ADA: variants seen among roughly 807,000 people sequenced by gnomAD.
ADA encodes adenosine deaminase.
In ADA, 45 loss-of-function variants were observed where a neutral mutation model predicts 49.0. The ratio of observed to expected loss-of-function variants is 0.92; its 90% CI spans 0.72 to 1.18. The LOEUF is 1.18. Ranked by LOEUF, ADA falls within the 50% of genes most tolerant of loss-of-function variation. The probability of loss-of-function intolerance (pLI) is 0.00; values close to 1 mark genes in which losing one functional copy is unlikely to be tolerated. For synonymous variants in ADA, 173 were observed against 184.2 expected (o/e 0.94, Z 0.49); for missense variants, 445 against 472.5 (o/e 0.94, Z 0.54).
chr20:44,620,258 C>A, intron 11 of ADA, 41 bp downstream of exon 11: 2 of 1,555,280 alleles, frequency 1.3e-6, no homozygotes, highest in Non-Finnish European at 1.8e-6. Context: ...ACACTGGGGC[C>A]AGGACAGGGC....
chr20:44,646,737 GC>G (rs1226563885), intron 1 of ADA, among the ~76,000 whole-genome samples: 1 of 152,008 alleles, frequency 6.6e-6, no homozygotes, highest in Non-Finnish European at 1.5e-5. Context: ...TACATCTGAA[GC>G]CCAGGGCTAA....
chr20:44,619,547 T>G lies in ADA; in HGVS notation c.*287A>C. Reference sequence around the variant, plus strand: ...TGCATGCCACCAGCCATGGGCTTCTTTATTGAGCACCAGATTTTCAGTACA... The same window carrying G: ...TGCATGCCACCAGCCATGGGCTTCTGTATTGAGCACCAGATTTTCAGTACA... On this transcript the variant is annotated 3_prime_UTR_variant, in exon 12 of 12. Transcript: ENST00000372874. The G allele has an allele frequency of 6.9e-6, 3 of 433,712 alleles. No homozygotes were observed. Among genetic ancestry groups the G allele is most frequent in the Non-Finnish European group, 1.3e-5 (3 of 233,036 alleles). 26.9% of individuals were successfully genotyped at this position (433,712 alleles called of 1,614,324 possible). A position where few individuals can be genotyped will look rare whatever the true frequency, so the allele number is the denominator to read the frequency against.
At chr20:44,620,652 AG>A in intron 10 of ADA, 1 of 587,342 alleles carries the variant, frequency 1.7e-6, no homozygotes. Flanking sequence ...GGTGGCATGT[AG>A]GGGGCCAGAG....
intron 1 of ADA, among the ~76,000 whole-genome samples, chr20:44,645,311 T>C (rs1366319578): frequency 7.2e-6 from 1 of 139,316 alleles, no homozygotes; most frequent in Non-Finnish European, 1.5e-5. Flanking sequence ...TGAGCCAAAA[T>C]CGTGCCACTG....
chr20:44,627,676 T>C (rs2065395615), intron 3 of ADA, among the ~76,000 whole-genome samples: 1 of 152,212 alleles, frequency 6.6e-6, no homozygotes, highest in South Asian at 2.1e-4. Context: ...CTGAGGACCA[T>C]GCCTAGGACA....
rs758073965 is a variant in ADA, at chr20:44,625,679, TC to T, written c.367del (p.Asp123ThrfsTer10). On this transcript the variant is annotated frameshift_variant, in exon 5 of 12. Coordinates refer to ENST00000372874, the MANE Select transcript of ADA (RefSeq NM_000022.4). LOFTEE classifies it high-confidence loss of function. ...EPIPWNQAEG[D>X]LTPDEVVALV... ...GGCCACCACCTCGTCTGGGGTGAGGTCCCCTCTGTGTGAGGAGAGGAGTAGG... is the reference window on the plus strand; with the variant it reads ...GGCCACCACCTCGTCTGGGGTGAGGTCCCTCTGTGTGAGGAGAGGAGTAGG... 6.4e-7 allele frequency: 1 copy of T among 1,559,934 alleles called. No individual in the cohort carries two copies. The highest frequency in any genetic ancestry group is 1.9e-5 in the Admixed American group (1 of 52,226).
At chr20:44,629,990 TCA>T (rs987554582) in intron 2 of ADA, among the ~76,000 whole-genome samples, 1 of 148,506 alleles carries the variant, frequency 6.7e-6, no homozygotes, top group African/African-American at 2.5e-5. Flanking sequence ...ACCTCGAGCC[TCA>T]GTTTCCCCCC....
In ADA at chr20:44,621,140, T is replaced by A. The variant is rs781702460; in HGVS notation, c.853A>T (p.Asn285Tyr). The A allele has an allele frequency of 6.2e-7, 1 of 1,614,158 alleles. No homozygotes were observed. Among genetic ancestry groups the A allele is most frequent in the South Asian group, 1.1e-5 (1 of 91,076 alleles). The change falls in exon 10 of 12, where the codon AAT (asparagine) becomes TAT (tyrosine). Residue 285 changes from asparagine to tyrosine, a missense_variant. Asn to Tyr is a moderately radical substitution (Grantham distance 143, BLOSUM62 -2). Transcript: ENST00000372874. ...TTGAGCGAGTAGTTAGCCTGGTCAT[T>A]TTTGAGCCTGCAGAAGAGGGAGGAG... ...DTEHAVIRLK[N>Y]DQANYSLNTD... is the part of the protein sequence containing the mutation.
intron 9 of ADA, among the ~76,000 whole-genome samples, chr20:44,621,420 CGGTGGGGG>C (rs909067731): frequency 6.6e-6 from 1 of 151,874 alleles, no homozygotes; most frequent in African/African-American, 2.4e-5. Flanking sequence ...GAATGGCAGC[CGGTGGGGG>C]CGTGGGGGTG....
intron 3 of ADA, among the ~76,000 whole-genome samples, chr20:44,628,413 G>A (rs942828958): frequency 3.3e-5 from 5 of 152,076 alleles, no homozygotes; most frequent in African/African-American, 1.2e-4. Context: ...TGTGATCCCA[G>A]CTACTTGGGA....
chr20:44,635,903 A>G (rs74928427), intron 2 of ADA, among the ~76,000 whole-genome samples: 1 of 121,334 alleles, frequency 8.2e-6, no homozygotes, highest in African/African-American at 2.7e-5. Flanking sequence ...ATCTCAAAAG[A>G]AAAAAAAAAA....
At chr20:44,623,811 T>C in intron 6 of ADA, 1 of 325,814 alleles carries the variant, frequency 3.1e-6, no homozygotes, top group Non-Finnish European at 6.1e-6. Flanking sequence ...GCAGTCGCAT[T>C]ATCACAGCTC....
Position 44,626,531 on chromosome 20 carries a change from A to G in ADA, c.287T>C (p.Val96Ala), listed in dbSNP as rs777666040. 10 of 1,613,904 alleles carry G rather than the reference A, an allele frequency of 6.2e-6. No individual in the cohort carries two copies. The highest frequency in any genetic ancestry group is 1.3e-5 in the African/African-American group (1 of 74,852). Residue 96 changes from valine (V) to alanine (A), a missense_variant, in exon 4 of 12, where the codon GTG becomes GCG. Val to Ala is a moderately conservative substitution (Grantham distance 64, BLOSUM62 0). Coordinates refer to ENST00000372874, the MANE Select transcript of ADA (RefSeq NM_000022.4). The part of the protein sequence containing the change: ...FVEMKAKEGV[V>A]YVEVRYSPHL... ...CGGACTGTACCGCACCTCCACATACACCACGCCCTCTTTGGCCTTCATCTC... is the reference window on the plus strand; with the variant it reads ...CGGACTGTACCGCACCTCCACATACGCCACGCCCTCTTTGGCCTTCATCTC...
At chr20:44,621,595 A>G (rs1227857994) in intron 9 of ADA, among the ~76,000 whole-genome samples, 2 of 152,310 alleles carry the variant, frequency 1.3e-5, no homozygotes, top group East Asian at 3.9e-4. Context: ...ATCTTGTTGT[A>G]TCTAATGGAT....
At chr20:44,633,566 TTGCTCCAACTACAGC>T (rs2065452693) in intron 2 of ADA, among the ~76,000 whole-genome samples, 1 of 152,098 alleles carries the variant, frequency 6.6e-6, no homozygotes, top group Non-Finnish European at 1.5e-5. Context: ...GTTAAGGCTC[TTGCTCCAACTACAGC>T]ACTGCAGGGC....
At chr20:44,651,459 C>T in intron 1 of ADA, 116 bp downstream of exon 1, 2 of 1,047,790 alleles carry the variant, frequency 1.9e-6, no homozygotes, top group Non-Finnish European at 2.8e-6. Context: ...GAAGAACTCG[C>T]CTGCAGGAGC....
chr20:44,651,296 G>A (rs1006458371), intron 1 of ADA, among the ~76,000 whole-genome samples: 1 of 152,212 alleles, frequency 6.6e-6, no homozygotes, highest in South Asian at 2.1e-4. Flanking sequence ...AGCGCTCAGC[G>A]GTGCTAGGAT....
chr20:44,635,003 C>T (rs1279975116), intron 2 of ADA, among the ~76,000 whole-genome samples: 1 of 152,210 alleles, frequency 6.6e-6, no homozygotes, highest in South Asian at 2.1e-4. Context: ...GACAAGGAGC[C>T]CCTAGCTCCT....
chr20:44,639,294 G>A (rs190266376), intron 1 of ADA, among the ~76,000 whole-genome samples: 81 of 152,268 alleles, frequency 5.3e-4, no homozygotes, highest in African/African-American at 1.9e-3. Flanking sequence ...AATTCCCGCA[G>A]TTTGAGACAG....
Sources: gnomAD v4.1 joint callset for allele counts (sites outside exome capture counted in the v4.1 genomes callset) on GRCh38, gnomAD v4.1.1 for gene constraint, MANE v1.5 for transcripts, NCBI Gene and HGNC (gene_info 2026-07-23, HGNC 2026-07-21) for gene names.